The following SPAG9 variants were observed in gnomAD, a reference collection of about 807,000 sequenced individuals.
The protein encoded by SPAG9 is sperm associated antigen 9.
A neutral mutation model predicts 166.5 loss-of-function variants in SPAG9; 35 were observed. The observed-to-expected ratio is 0.21, with a 90% CI of 0.16 to 0.28. The LOEUF (loss-of-function observed/expected upper bound fraction) is 0.28, where lower values mean the gene tolerates loss of function less well. Among genes scored for constraint, SPAG9 ranks in the 10% least tolerant of loss-of-function variants. SPAG9 has a pLI of 1.00. For missense variants in SPAG9, 1,235 were observed against 1,603.3 expected, an observed-to-expected ratio of 0.77 and a Z score of 3.92; for synonymous variants, 534 against 565.5, an observed-to-expected ratio of 0.94 and a Z score of 0.79.
At chr17:51,086,013 G>C (rs1027212510) in intron 1 of SPAG9, among the ~76,000 whole-genome samples, 1 of 132,912 alleles carries the variant, frequency 7.5e-6, no homozygotes, top group African/African-American at 3.0e-5. Context: ...CTGTCGCCCA[G>C]GCTGGAGTGC....
At chr17:50,987,370 C>CTCTAAAAA in intron 21 of SPAG9, 133 bp from the exon 22 acceptor site, 1 of 776,728 alleles carries the variant, frequency 1.3e-6, no homozygotes, top group Non-Finnish European at 1.9e-6. Flanking sequence ...GATAGGGTAT[C>CTCTAAAAA]ACTCTGTCAC....
Position 50,964,705 on chromosome 17 carries a change from A to T in SPAG9, c.*1567T>A, listed in dbSNP as rs924553740. The stretch of plus-strand genomic sequence containing the variant: ...AATTGCAGCATCGTGGTTTTAAAAA[A>T]CTTATTAAGCAAGAAAATCAGTGAA... On this transcript the variant is annotated 3_prime_UTR_variant, in exon 30 of 30. Transcript: ENST00000262013. The T allele has an allele frequency of 2.2e-6, 1 of 449,726 alleles. No individual in the cohort carries two copies. Among genetic ancestry groups the T allele is most frequent in the African/African-American group, 2.0e-5 (1 of 49,562 alleles). The allele number at this position is 449,726 out of a possible 1,614,324, so 27.9% of individuals were successfully genotyped here.
At chr17:51,032,901 T>C (rs903435669) in intron 5 of SPAG9, among the ~76,000 whole-genome samples, 1 of 151,874 alleles carries the variant, frequency 6.6e-6, no homozygotes, top group African/African-American at 2.4e-5. Flanking sequence ...GCCATTGCAC[T>C]ACATCCTGGG....
At chr17:50,976,264 C>T (rs1974201801) in intron 27 of SPAG9, among the ~76,000 whole-genome samples, 1 of 151,936 alleles carries the variant, frequency 6.6e-6, no homozygotes, top group Non-Finnish European at 1.5e-5. Flanking sequence ...AATCCTGTTC[C>T]AATAACTATG....
rs775158918 is a variant in SPAG9 at position 51,069,354 on chromosome 17, T to A, written c.424+10230A>T. ...AATTTTTTCAAAATACTAACATTCA[T>A]TGCTAATCACAAAGCACAGTAAAGG... On this transcript the variant is annotated intron_variant, in intron 2 of 29. Transcript: ENST00000262013. Among the ~76,000 whole-genome samples the A allele has an allele frequency of 2.0e-5, 3 of 152,210 alleles. No homozygotes were observed. The South Asian group carries it at 6.2e-4, about 32-fold the overall frequency.
At chr17:51,112,956 C>A (rs1462029816) in intron 1 of SPAG9, among the ~76,000 whole-genome samples, 4 of 123,976 alleles carry the variant, frequency 3.2e-5, no homozygotes, top group Admixed American at 9.6e-5. Flanking sequence ...GCCTGAACCT[C>A]ATCTCTAAAA....
At chr17:50,996,353 TC>T (rs1390132565) in intron 16 of SPAG9, 22 of 550,156 alleles carry the variant, frequency 4.0e-5, no homozygotes, top group East Asian at 9.2e-5. Flanking sequence ...TATTGACTCC[TC>T]CCCCCCTCAC....
intron 1 of SPAG9, among the ~76,000 whole-genome samples, chr17:51,113,248 G>A (rs1324323168): frequency 6.6e-6 from 1 of 151,438 alleles, no homozygotes; most frequent in Non-Finnish European, 1.5e-5. Flanking sequence ...AGCTACTCAG[G>A]AGGCTGAGGC....
intron 1 of SPAG9, among the ~76,000 whole-genome samples, chr17:51,092,353 T>TAC (rs2048489891): frequency 0.013 from 1 of 76 alleles, no homozygotes; most frequent in African/African-American, 0.083. Context: ...AAAGAACCAT[T>TAC]ATATAAAGAG....
chr17:51,043,034 G>A (rs908282703), intron 4 of SPAG9, among the ~76,000 whole-genome samples: 1 of 152,102 alleles, frequency 6.6e-6, no homozygotes, highest in African/African-American at 2.4e-5. Flanking sequence ...GGGATTACAG[G>A]CATTACCACC....
chr17:51,002,520 C>A (rs1021539245), intron 12 of SPAG9, among the ~76,000 whole-genome samples: 2 of 152,116 alleles, frequency 1.3e-5, no homozygotes, highest in Non-Finnish European at 2.9e-5. Context: ...CAGTGACTCA[C>A]GCCTGTAGTC....
intron 2 of SPAG9, among the ~76,000 whole-genome samples, chr17:51,077,091 TATCTATCTAG>T (rs1473248380): frequency 8.8e-5 from 5 of 56,950 alleles, no homozygotes; most frequent in East Asian, 7.8e-4. Flanking sequence ...TCTAGCTAGC[TATCTATCTAG>T]CTAGCTATCT....
intron 1 of SPAG9, among the ~76,000 whole-genome samples, chr17:51,093,990 G>T (rs896757025): frequency 1.3e-5 from 2 of 152,100 alleles, no homozygotes; most frequent in African/African-American, 4.8e-5. Context: ...AATGACAAGT[G>T]GAATTACATG....
intron 1 of SPAG9, among the ~76,000 whole-genome samples, chr17:51,107,023 A>G (rs368990434): frequency 4.7e-5 from 7 of 148,080 alleles, no homozygotes; most frequent in Non-Finnish European, 8.9e-5. Flanking sequence ...AATCGCTTGA[A>G]CCCGGGAGGC....
chr17:51,095,328 A>C, intron 1 of SPAG9, among the ~76,000 whole-genome samples: 1 of 121,166 alleles, frequency 8.3e-6, no homozygotes, highest in Admixed American at 9.1e-5. Flanking sequence ...AAAAAGTGGC[A>C]GCCAGGCACG....
intron 1 of SPAG9, among the ~76,000 whole-genome samples, chr17:51,115,846 A>G (rs2049273035): frequency 6.6e-6 from 1 of 150,668 alleles, no homozygotes; most frequent in Non-Finnish European, 1.5e-5. Flanking sequence ...AAGAAAAGAA[A>G]AGAAAAGAAA....
chr17:51,036,447 C>T (rs1214285674), intron 5 of SPAG9, among the ~76,000 whole-genome samples: 5 of 152,126 alleles, frequency 3.3e-5, no homozygotes, highest in Non-Finnish European at 7.3e-5. Context: ...CCTCGACTTT[C>T]AGCGCTCAAG....
chr17:51,118,081 G>A (rs2144810397), intron 1 of SPAG9, among the ~76,000 whole-genome samples: 1 of 151,448 alleles, frequency 6.6e-6, no homozygotes, highest in Admixed American at 6.6e-5. Context: ...GAGGCAGTGA[G>A]CCGAGATCGT....
In SPAG9 at chr17:51,060,196, G is replaced by A. The variant is rs536131716; in HGVS notation, c.425-3714C>T. Among the ~76,000 whole-genome samples the A allele has an allele frequency of 4.3e-4, 65 of 151,994 alleles. 1 individual carries two copies. In the South Asian group the frequency reaches 9.4e-3, roughly 22 times the overall value. ...CCTCCCAATATGACTGCATTTGGGGGATAGGGCCTTTAAGAAGATAATTAA... is the reference window on the plus strand; with the variant it reads ...CCTCCCAATATGACTGCATTTGGGGAATAGGGCCTTTAAGAAGATAATTAA... On this transcript the variant is annotated intron_variant, in intron 2 of 29. Transcript: ENST00000262013.
Sources: allele counts gnomAD v4.1 joint callset (sites outside exome capture counted in the v4.1 genomes callset), GRCh38; gene constraint gnomAD v4.1.1; transcripts MANE v1.5; gene names NCBI Gene and HGNC (gene_info 2026-07-23, HGNC 2026-07-21).